FAM135B: variants seen among roughly 807,000 people sequenced by gnomAD.
FAM135B encodes protein FAM135B.
FAM135B carries 43 observed loss-of-function variants against 127.7 expected under a neutral mutation model. The ratio of observed to expected loss-of-function variants is 0.34; its 90% CI spans 0.26 to 0.43. FAM135B has a LOEUF of 0.43. Ranked by LOEUF, FAM135B falls within the 20% of genes least tolerant of loss-of-function variation. FAM135B has a pLI of 1.00. For synonymous variants in FAM135B, 670 were observed against 665.1 expected, an observed-to-expected ratio of 1.01 and a Z score of -0.11; for missense variants, 1,558 against 1,725.6, an observed-to-expected ratio of 0.90 and a Z score of 1.72.
intron 6 of FAM135B, among the ~76,000 whole-genome samples, chr8:138,249,316 C>G (rs574093298): frequency 1.3e-5 from 2 of 152,264 alleles, no homozygotes; most frequent in South Asian, 4.1e-4. Context: ...GTCTGCTGTC[C>G]TTTGTTTCTA....
intron 3 of FAM135B, among the ~76,000 whole-genome samples, chr8:138,304,886 A>G (rs1826126640): frequency 6.6e-6 from 1 of 152,188 alleles, no homozygotes; most frequent in Non-Finnish European, 1.5e-5. Flanking sequence ...CTGGAAGCCA[A>G]AAAGATGGAA....
chr8:138,323,876 G>T (rs1827623002), intron 2 of FAM135B, among the ~76,000 whole-genome samples: 1 of 152,186 alleles, frequency 6.6e-6, no homozygotes, highest in African/African-American at 2.4e-5. Context: ...CTTTTGTGTA[G>T]AAGTAAAGCA....
intron 2 of FAM135B, among the ~76,000 whole-genome samples, chr8:138,358,166 C>T (rs1322821013): frequency 1.3e-5 from 2 of 152,032 alleles, no homozygotes; most frequent in East Asian, 3.9e-4. Context: ...GAAAAATCTG[C>T]CCCCATGATT....
intron 9 of FAM135B, among the ~76,000 whole-genome samples, chr8:138,184,625 T>A (rs543708111): frequency 6.6e-6 from 1 of 152,186 alleles, no homozygotes; most frequent in South Asian, 2.1e-4. Context: ...TCTGGAGAGA[T>A]GCTCTGTGTG....
chr8:138,477,195 G>A (rs1318532903), intron 1 of FAM135B: 1 of 152,200 alleles, frequency 6.6e-6, no homozygotes, highest in African/African-American at 2.4e-5. Context: ...TGTCCTATGT[G>A]TCTAGTTGAG....
chr8:138,386,754 T>A (rs1189601054), intron 1 of FAM135B, among the ~76,000 whole-genome samples: 1 of 152,194 alleles, frequency 6.6e-6, no homozygotes, highest in Non-Finnish European at 1.5e-5. Context: ...GACAAACACC[T>A]CCCTGGTCAT....
chr8:138,470,809 C>T (rs188906836), intron 1 of FAM135B, among the ~76,000 whole-genome samples: 124 of 152,242 alleles, frequency 8.1e-4, no homozygotes, highest in Admixed American at 2.9e-3. Flanking sequence ...CTACATGTGA[C>T]GTCTGACAAG....
intron 2 of FAM135B, among the ~76,000 whole-genome samples, chr8:138,340,084 C>T (rs1459134613): frequency 2.6e-5 from 4 of 152,090 alleles, no homozygotes; most frequent in South Asian, 2.1e-4. Context: ...CAGTCCTTCC[C>T]GAAGCACACG....
At chr8:138,162,836 C>G (rs569437621) in intron 12 of FAM135B, among the ~76,000 whole-genome samples, 1 of 152,064 alleles carries the variant, frequency 6.6e-6, no homozygotes, top group Non-Finnish European at 1.5e-5. Flanking sequence ...AGAGAGAGAA[C>G]CCACGCCATA....
At chr8:138,281,313 A>G (rs1025286791) in intron 3 of FAM135B, among the ~76,000 whole-genome samples, 2 of 152,056 alleles carry the variant, frequency 1.3e-5, no homozygotes, top group African/African-American at 4.8e-5. Flanking sequence ...TAAAATATAC[A>G]CAGAAGTCAA....
chr8:138,428,114 C>T (rs994077999), intron 1 of FAM135B, among the ~76,000 whole-genome samples: 4 of 152,152 alleles, frequency 2.6e-5, no homozygotes, highest in African/African-American at 9.7e-5. Context: ...ATAATCCAAT[C>T]ATCCCCTGGA....
At chr8:138,413,415 T>C (rs1451951722) in intron 1 of FAM135B, among the ~76,000 whole-genome samples, 2 of 152,182 alleles carry the variant, frequency 1.3e-5, no homozygotes, top group African/African-American at 4.8e-5. Flanking sequence ...GTTTGTCTCA[T>C]CCAGCAACTT....
intron 2 of FAM135B, among the ~76,000 whole-genome samples, chr8:138,343,028 G>C (rs1276351864): frequency 1.3e-5 from 2 of 152,220 alleles, no homozygotes; most frequent in Non-Finnish European, 2.9e-5. Context: ...TGCTTCAATA[G>C]AAGTACACTG....
chr8:138,182,629 A>G (rs777512466), intron 9 of FAM135B, among the ~76,000 whole-genome samples: 45 of 152,342 alleles, frequency 3.0e-4, no homozygotes, highest in Admixed American at 1.2e-3. Flanking sequence ...ATTATAATAT[A>G]CTTGTAAACT....
rs2131134328 is a variant in FAM135B at position 138,197,451 on chromosome 8, C to T, written c.823+65G>A. On this transcript the variant is annotated intron_variant, in intron 8 of 19. Transcript: ENST00000395297. Reference sequence around the variant, plus strand: ...TTACAAAAGCATGCCAGCTTTTCCCCATCCCTTGTGTGGAGGAGGCACATG... The same window carrying T: ...TTACAAAAGCATGCCAGCTTTTCCCTATCCCTTGTGTGGAGGAGGCACATG... The T allele has an allele frequency of 5.1e-6, 8 of 1,560,894 alleles. No homozygotes were observed. In the South Asian group the frequency reaches 8.2e-5, roughly 16 times the overall value.
At chr8:138,160,088 G>C (rs1352336442) in intron 12 of FAM135B, among the ~76,000 whole-genome samples, 1 of 152,120 alleles carries the variant, frequency 6.6e-6, no homozygotes, top group Non-Finnish European at 1.5e-5. Flanking sequence ...CTGAGGCTTA[G>C]ATGAGTGTCT....
intron 11 of FAM135B, among the ~76,000 whole-genome samples, chr8:138,175,732 C>G (rs1052561944): frequency 7.3e-6 from 1 of 137,444 alleles, no homozygotes. Context: ...CCCCATTTCT[C>G]TTCATTTTCT....
intron 7 of FAM135B, among the ~76,000 whole-genome samples, chr8:138,224,132 C>G (rs1819231745): frequency 6.6e-6 from 1 of 152,122 alleles, no homozygotes; most frequent in Non-Finnish European, 1.5e-5. Context: ...CAGTATCATG[C>G]AATATACCCA....
chr8:138,164,868 G>C (rs1819755438), intron 12 of FAM135B, among the ~76,000 whole-genome samples: 1 of 152,156 alleles, frequency 6.6e-6, no homozygotes, highest in South Asian at 2.1e-4. Flanking sequence ...AATTAACTAA[G>C]ACCTATCTCA....
Sources: gnomAD v4.1 joint callset for allele counts (sites outside exome capture counted in the v4.1 genomes callset) on GRCh38, gnomAD v4.1.1 for gene constraint, MANE v1.5 for transcripts, NCBI Gene and HGNC (gene_info 2026-07-23, HGNC 2026-07-21) for gene names.